The following BRD1 variants were observed in gnomAD, a reference collection of about 807,000 sequenced individuals.
BRD1 encodes the protein bromodomain containing 1.
A neutral mutation model predicts 107.7 loss-of-function variants in BRD1; 24 were observed. The ratio of observed to expected loss-of-function variants is 0.22; its 90% CI spans 0.16 to 0.31. BRD1 has a LOEUF of 0.31. Among genes scored for constraint, BRD1 ranks in the 10% least tolerant of loss-of-function variants. The pLI is 1.00. For synonymous variants in BRD1, 744 were observed against 686.1 expected, an observed-to-expected ratio of 1.08 and a Z score of -1.32; for missense variants, 1,279 against 1,638.6, an observed-to-expected ratio of 0.78 and a Z score of 3.79.
Position 49,774,108 on chromosome 22 carries a change from C to A in BRD1, c.*125G>T, listed in dbSNP as rs1477854420. ...GAAAACTTGGAAATAAAACCTCCCC[C>A]CTCCCCGGGGAAAAAGAATTAAAGA... On this transcript the variant is annotated 3_prime_UTR_variant, in exon 13 of 13. Transcript: ENST00000404760. 3 of 1,322,214 alleles carry A rather than the reference C, an allele frequency of 2.3e-6. No individual in the cohort carries two copies. The highest frequency in any genetic ancestry group is 2.0e-6 in the Non-Finnish European group (2 of 992,386). The allele number at this position is 1,322,214 out of a possible 1,614,324, so 81.9% of individuals were successfully genotyped here. A position where few individuals can be genotyped will look rare whatever the true frequency, so the allele number is the denominator to read the frequency against.
Position 49,777,054 on chromosome 22 carries a change from T to C in BRD1, c.3101A>G (p.Lys1034Arg), listed in dbSNP as rs2059114450. 6.2e-7 allele frequency: 1 copy of C among 1,613,212 alleles called. No individual in the cohort carries two copies. The highest frequency in any genetic ancestry group is 1.3e-5 in the African/African-American group (1 of 75,068). ...CTCACCGGCTGCGATCCTGGCCGCCTTGGCGTAGTTCCCATTCTCGATGCA... is the reference window on the plus strand; with the variant it reads ...CTCACCGGCTGCGATCCTGGCCGCCCTGGCGTAGTTCCCATTCTCGATGCA... ...ISCIENGNYAKAARIAAEVGQ... is the reference protein window; with the variant it reads ...ISCIENGNYARAARIAAEVGQ... The change falls in exon 10 of 13, where the codon AAG becomes AGG. Residue 1034 changes from lysine (K) to arginine (R), a missense_variant. Coordinates refer to ENST00000404760, the MANE Select transcript of BRD1 (RefSeq NM_001304808.3).
chr22:49,779,282 G>A (rs1337258094), intron 8 of BRD1, among the ~76,000 whole-genome samples: 1 of 152,196 alleles, frequency 6.6e-6, no homozygotes, highest in African/African-American at 2.4e-5. Context: ...TGTTCTCAAT[G>A]AGCACGACCG....
Position 49,824,811 on chromosome 22 carries a change from C to T in BRD1, c.-14-480G>A. On this transcript the variant is annotated intron_variant, in intron 1 of 12. Transcript: ENST00000404760. This position sits in a 1 kb window ranked among gnomAD's most constrained non-coding sequence, Gnocchi z 5.9. Reference sequence around the variant, plus strand: ...CTACCTGGTCCTATCGGATGCTCCCCCTAAACCACTCTTCCCCTCCCCACT... The same window carrying T: ...CTACCTGGTCCTATCGGATGCTCCCTCTAAACCACTCTTCCCCTCCCCACT... 1 of 1,008,834 alleles carries T rather than the reference C, an allele frequency of 9.9e-7. No homozygotes were observed. The highest frequency in any genetic ancestry group is 1.2e-6 in the Non-Finnish European group (1 of 842,318). The allele number at this position is 1,008,834 out of a possible 1,614,324, so 62.5% of individuals were successfully genotyped here. A position where few individuals can be genotyped will look rare whatever the true frequency, so the allele number is the denominator to read the frequency against.
At chr22:49,816,056 C>T (rs546513646) in intron 2 of BRD1, among the ~76,000 whole-genome samples, 8 of 152,030 alleles carry the variant, frequency 5.3e-5, no homozygotes, top group Non-Finnish European at 1.2e-4. Flanking sequence ...GCACCCACAC[C>T]GCCCGGGAGG....
At chr22:49,810,115 T>A (rs1241942536) in intron 2 of BRD1, among the ~76,000 whole-genome samples, 2 of 151,930 alleles carry the variant, frequency 1.3e-5, no homozygotes, top group Non-Finnish European at 2.9e-5. Context: ...GTTTAAAAAA[T>A]TAATTTGGTT....
chr22:49,809,608 G>A (rs1354595948), intron 2 of BRD1, among the ~76,000 whole-genome samples: 1 of 151,926 alleles, frequency 6.6e-6, no homozygotes, highest in African/African-American at 2.4e-5. Flanking sequence ...GGCTGAAGCT[G>A]GACATAAGGA....
At chr22:49,790,155 GC>G (rs1343214606) in intron 7 of BRD1, among the ~76,000 whole-genome samples, 1 of 152,170 alleles carries the variant, frequency 6.6e-6, no homozygotes, top group Non-Finnish European at 1.5e-5. Context: ...CACCTGCCCA[GC>G]CGGGACCACA....
At chr22:49,799,606 C>T (rs977112336) in intron 3 of BRD1, among the ~76,000 whole-genome samples, 1 of 152,220 alleles carries the variant, frequency 6.6e-6, no homozygotes, top group Non-Finnish European at 1.5e-5. Context: ...GGGCCTGGCA[C>T]ACAGCCGACC....
At chr22:49,782,697 C>T (rs1342088058) in intron 8 of BRD1, among the ~76,000 whole-genome samples, 1 of 143,006 alleles carries the variant, frequency 7.0e-6, no homozygotes, top group Non-Finnish European at 1.5e-5. Context: ...CAGAGACAGA[C>T]CCAAGGCCCA....
chr22:49,819,710 A>G (rs2147372282), intron 2 of BRD1, among the ~76,000 whole-genome samples: 1 of 151,434 alleles, frequency 6.6e-6, no homozygotes, highest in East Asian at 2.0e-4. Flanking sequence ...CGGCCTCCCA[A>G]AGTGCTGGCA....
At chr22:49,798,875 C>G in intron 4 of BRD1, 113 bp downstream of exon 4, 3 of 1,466,182 alleles carry the variant, frequency 2.0e-6, no homozygotes, top group Non-Finnish European at 2.7e-6. Flanking sequence ...GAGCAAGGCA[C>G]TGCTGTGGGC....
intron 7 of BRD1, among the ~76,000 whole-genome samples, chr22:49,793,612 T>G (rs753821233): frequency 6.6e-6 from 1 of 152,176 alleles, no homozygotes; most frequent in Non-Finnish European, 1.5e-5. Context: ...AATGCTGCAT[T>G]TGATGGCCTA....
At chr22:49,788,037 C>T (rs1843667689) in intron 7 of BRD1, 150 bp from the exon 8 acceptor site, 6 of 800,634 alleles carry the variant, frequency 7.5e-6, no homozygotes, top group East Asian at 2.8e-5. Flanking sequence ...GTGTGGGCCC[C>T]GTGGGCTCGG....
intron 8 of BRD1, among the ~76,000 whole-genome samples, chr22:49,779,056 A>C (rs1569085182): frequency 1.3e-5 from 2 of 152,190 alleles, no homozygotes; most frequent in East Asian, 3.9e-4. Flanking sequence ...AAATTATGTA[A>C]ATTTGTAAAT....
At position 49,775,765 on chromosome 22, in the gene BRD1, T is replaced by A; in HGVS notation, c.3232-20A>T. ...GATGATCTGCACGAGAAGGACCCGC[T>A]GAGGTCATTGTGAGGCTCACACCCA... On this transcript the variant is annotated intron_variant, in intron 11 of 12. Transcript: ENST00000404760. 1 of 1,602,104 alleles carries A rather than the reference T, an allele frequency of 6.2e-7. No homozygotes were observed. The highest frequency in any genetic ancestry group is 1.9e-4 in the Middle Eastern group (1 of 5,170).
intron 2 of BRD1, among the ~76,000 whole-genome samples, chr22:49,811,716 C>T (rs1358278346): frequency 6.6e-6 from 1 of 152,186 alleles, no homozygotes. Flanking sequence ...CAACTGACAC[C>T]ATGGAAAGCA....
chr22:49,798,187 T>C (rs1014688035), intron 5 of BRD1, 70 bp from the exon 6 acceptor site: 1 of 1,424,082 alleles, frequency 7.0e-7, no homozygotes, highest in South Asian at 1.3e-5. Flanking sequence ...ATATTTATTA[T>C]TCCATATAAC....
At chr22:49,789,734 C>T (rs1453042682) in intron 7 of BRD1, among the ~76,000 whole-genome samples, 1 of 152,214 alleles carries the variant, frequency 6.6e-6, no homozygotes, top group East Asian at 1.9e-4. Flanking sequence ...CCGTAAACCC[C>T]CATCTCCTGC....
At chr22:49,781,755 T>G (rs1293660310) in intron 8 of BRD1, among the ~76,000 whole-genome samples, 1 of 152,280 alleles carries the variant, frequency 6.6e-6, no homozygotes, top group African/African-American at 2.4e-5. Flanking sequence ...GAGCCCACTA[T>G]CTCCTGTTTT....
Sources: allele counts gnomAD v4.1 joint callset (sites outside exome capture counted in the v4.1 genomes callset), GRCh38; gene constraint gnomAD v4.1.1; non-coding constraint Gnocchi (gnomAD v3.1); transcripts MANE v1.5; gene names NCBI Gene and HGNC (gene_info 2026-07-23, HGNC 2026-07-21).